Variants in MACROD2 observed in about 807,000 individuals in gnomAD.
The protein encoded by MACROD2 is ADP-ribose glycohydrolase MACROD2.
MACROD2 carries 36 observed loss-of-function variants against 70.4 expected under a neutral mutation model. The ratio of observed to expected loss-of-function variants is 0.51; its 90% confidence interval spans 0.39 to 0.68. The LOEUF (loss-of-function observed/expected upper bound fraction) is 0.68, where lower values mean the gene tolerates loss of function less well. Ranked by LOEUF, MACROD2 falls within the 30% of genes least tolerant of loss-of-function variation. MACROD2 has a pLI of 0.00. For synonymous variants in MACROD2, 172 were observed against 178.8 expected, an observed-to-expected ratio of 0.96 and a Z score of 0.30; for missense variants, 496 against 538.4, an observed-to-expected ratio of 0.92 and a Z score of 0.78.
intron 5 of MACROD2, among the ~76,000 whole-genome samples, chr20:15,157,157 G>A (rs558977830): frequency 1.1e-4 from 16 of 152,254 alleles, no homozygotes; most frequent in Admixed American, 7.8e-4. Flanking sequence ...GGGTTCTGGA[G>A]GCTGGGAAGT....
chr20:14,391,401 A>G (rs1356492248), intron 3 of MACROD2, among the ~76,000 whole-genome samples: 1 of 152,202 alleles, frequency 6.6e-6, no homozygotes, highest in Admixed American at 6.5e-5. Flanking sequence ...GTTGTCACTT[A>G]TAAGTGGGAA....
At chr20:15,815,797 C>G (rs1041909545) in intron 8 of MACROD2, among the ~76,000 whole-genome samples, 1 of 152,112 alleles carries the variant, frequency 6.6e-6, no homozygotes, top group Admixed American at 6.6e-5. Flanking sequence ...TGCCAGTCAG[C>G]TTGTTGCCAC....
chr20:14,482,287 C>A (rs2123074431), intron 3 of MACROD2, among the ~76,000 whole-genome samples: 1 of 151,782 alleles, frequency 6.6e-6, no homozygotes, highest in Admixed American at 6.6e-5. Flanking sequence ...GAAATGGAAA[C>A]ATATGTTCCA....
Position 15,962,540 on chromosome 20 carries a change from ATT to A in MACROD2, c.908-5011_908-5010del, listed in dbSNP as rs1409292120. On this transcript the variant is annotated intron_variant, in intron 12 of 17. Transcript: ENST00000684519. ...ATTTCACACCAGTTTATTGTTTGAA[ATT>A]TGTGTTTTCTAATAGAAATCAAATT... is the stretch of plus-strand genomic sequence containing the variant. Among the ~76,000 whole-genome samples, 7 of 152,222 alleles carry A rather than the reference ATT, an allele frequency of 4.6e-5. No individual in the cohort carries two copies. The East Asian group carries it at 1.3e-3, about 29-fold the overall frequency.
intron 5 of MACROD2, among the ~76,000 whole-genome samples, chr20:14,697,614 A>G (rs934605028): frequency 6.6e-6 from 1 of 152,174 alleles, no homozygotes; most frequent in Non-Finnish European, 1.5e-5. Flanking sequence ...TTAACTGTCT[A>G]TCACACAGCC....
In MACROD2 at chr20:15,313,405, G is replaced by A. The variant is rs920781698; in HGVS notation, c.540+83344G>A. On this transcript the variant is annotated intron_variant, in intron 6 of 17. Transcript: ENST00000684519. ...GCCTGTAGTCCCAGCTACTCGGGAG[G>A]CTGAGGCAGGAGAATGGCATGATCC... Among the ~76,000 whole-genome samples the A allele has an allele frequency of 4.7e-4, 72 of 151,628 alleles. 1 individual carries two copies. Among genetic ancestry groups the A allele is most frequent in the Non-Finnish European group, 4.4e-5 (3 of 67,960 alleles).
chr20:15,014,752 A>AG (rs1568531162), intron 5 of MACROD2, among the ~76,000 whole-genome samples: 1 of 152,212 alleles, frequency 6.6e-6, no homozygotes, highest in African/African-American at 2.4e-5. Flanking sequence ...ATTGTAAAAA[A>AG]CAGAAATCTA....
chr20:14,711,259 G>T (rs1220754691), intron 5 of MACROD2, among the ~76,000 whole-genome samples: 5 of 152,118 alleles, frequency 3.3e-5, no homozygotes, highest in Non-Finnish European at 7.4e-5. Context: ...AACTCCCAGA[G>T]AATCCTTTTG....
intron 7 of MACROD2, among the ~76,000 whole-genome samples, chr20:15,460,995 TATA>T (rs1176221950): frequency 2.4e-5 from 2 of 83,560 alleles, no homozygotes; most frequent in African/African-American, 9.4e-5. Flanking sequence ...TATATATATA[TATA>T]TATATATATT....
intron 6 of MACROD2, among the ~76,000 whole-genome samples, chr20:15,239,806 G>A (rs2077045201): frequency 6.6e-6 from 1 of 152,196 alleles, no homozygotes; most frequent in African/African-American, 2.4e-5. Flanking sequence ...ACAAATGTGT[G>A]GAAGAACCTC....
At chr20:14,878,590 A>G (rs1600758902) in intron 5 of MACROD2, among the ~76,000 whole-genome samples, 1 of 152,178 alleles carries the variant, frequency 6.6e-6, no homozygotes, top group African/African-American at 2.4e-5. Context: ...AACACATATC[A>G]TTTGCTTAAA....
intron 12 of MACROD2, among the ~76,000 whole-genome samples, chr20:15,953,413 A>C (rs1048640366): frequency 3.3e-5 from 5 of 152,180 alleles, no homozygotes; most frequent in African/African-American, 1.2e-4. Flanking sequence ...GATGATGGAT[A>C]TGCTAATTAC....
intron 3 of MACROD2, among the ~76,000 whole-genome samples, chr20:14,213,360 G>GCAAAAAAA (rs2081586101): frequency 8.4e-4 from 1 of 1,194 alleles, no homozygotes; most frequent in Non-Finnish European, 1.6e-3. Context: ...GCTTCTAGTG[G>GCAAAAAAA]CAAAAAAAAA....
chr20:15,144,307 A>G lies in MACROD2; in HGVS notation c.419-85633A>G, dbSNP rs535095356. On this transcript the variant is annotated intron_variant, in intron 5 of 17. Coordinates refer to ENST00000684519, the MANE Select transcript of MACROD2 (RefSeq NM_001351661.2). ...TGGTTGGTGATCAAAACTCCAATGC[A>G]CATGTAGACTATAATTTGTTCATGT... Among the ~76,000 whole-genome samples the G allele has an allele frequency of 2.6e-5, 4 of 152,282 alleles. No homozygotes were observed. The East Asian group carries it at 5.8e-4, about 22-fold the overall frequency.
chr20:14,863,357 G>A (rs920729833), intron 5 of MACROD2, among the ~76,000 whole-genome samples: 1 of 152,116 alleles, frequency 6.6e-6, no homozygotes, highest in South Asian at 2.1e-4. Context: ...GCCACTTCCA[G>A]TGCCTCTGTA....
intron 8 of MACROD2, among the ~76,000 whole-genome samples, chr20:15,853,759 T>G (rs2064325965): frequency 6.6e-6 from 1 of 152,164 alleles, no homozygotes; most frequent in Non-Finnish European, 1.5e-5. Context: ...GCTGACACCT[T>G]GATTTTAGCC....
At chr20:15,618,556 G>A (rs1259217618) in intron 8 of MACROD2, among the ~76,000 whole-genome samples, 1 of 111,884 alleles carries the variant, frequency 8.9e-6, no homozygotes, top group Non-Finnish European at 1.8e-5. Flanking sequence ...AGATTTCATT[G>A]AGATTTCTCC....
intron 8 of MACROD2, among the ~76,000 whole-genome samples, chr20:15,805,768 A>G (rs1249320029): frequency 6.6e-6 from 1 of 152,142 alleles, no homozygotes; most frequent in Non-Finnish European, 1.5e-5. Context: ...GAGCCACCGC[A>G]TCTGGCCAAA....
chr20:15,200,079 A>G (rs527756461), intron 5 of MACROD2, among the ~76,000 whole-genome samples: 1 of 152,342 alleles, frequency 6.6e-6, no homozygotes, highest in South Asian at 2.1e-4. Flanking sequence ...TCTTCTTTCA[A>G]GAACCTGCCT....
Sources: gnomAD v4.1 joint callset for allele counts (sites outside exome capture counted in the v4.1 genomes callset) on GRCh38, gnomAD v4.1.1 for gene constraint, MANE v1.5 for transcripts, NCBI Gene and HGNC (gene_info 2026-07-23, HGNC 2026-07-21) for gene names.